The following TMEM232 variants were observed in gnomAD, a reference collection of about 807,000 sequenced individuals.
TMEM232 encodes the protein transmembrane protein 232.
Under a neutral mutation model 78.8 loss-of-function variants are expected in TMEM232, and 80 were observed. That is an observed-to-expected ratio of 1.01 (90% CI 0.85 to 1.22). The LOEUF is 1.22. Ranked by LOEUF, TMEM232 falls within the 50% of genes most tolerant of loss-of-function variation. The pLI is 0.00. For missense variants in TMEM232, 881 were observed against 742.2 expected (o/e 1.19, Z -2.17); for synonymous variants, 297 against 254.3 (o/e 1.17, Z -1.60).
At chr5:110,637,139 TTA>T (rs1785958628) in intron 5 of TMEM232, among the ~76,000 whole-genome samples, 1 of 150,284 alleles carries the variant, frequency 6.7e-6, no homozygotes, top group Admixed American at 6.7e-5. Context: ...TTATTTTTAC[TTA>T]TATATATTGT....
intron 11 of TMEM232, among the ~76,000 whole-genome samples, chr5:110,566,453 T>A (rs1186058785): frequency 6.6e-6 from 1 of 151,952 alleles, no homozygotes; most frequent in Admixed American, 6.6e-5. Context: ...TGCTTCCTCT[T>A]GAAGATTCTG....
At chr5:110,702,670 G>A (rs1385628147) in intron 1 of TMEM232, among the ~76,000 whole-genome samples, 1 of 151,982 alleles carries the variant, frequency 6.6e-6, no homozygotes, top group Non-Finnish European at 1.5e-5. Flanking sequence ...ATTTACAGGA[G>A]ACACTCCCGG....
chr5:110,530,873 A>AC (rs1771360304), intron 11 of TMEM232, among the ~76,000 whole-genome samples: 2 of 152,222 alleles, frequency 1.3e-5, no homozygotes, highest in Non-Finnish European at 2.9e-5. Context: ...TCAAAAAAGA[A>AC]ATAATAACTA....
At chr5:110,627,420 G>A (rs1033534463) in intron 6 of TMEM232, among the ~76,000 whole-genome samples, 1 of 152,044 alleles carries the variant, frequency 6.6e-6, no homozygotes, top group Admixed American at 6.6e-5. Context: ...GAACGGATGG[G>A]GAAGGGGGAG....
At chr5:110,570,233 T>C (rs1420580011) in intron 10 of TMEM232, among the ~76,000 whole-genome samples, 1 of 151,954 alleles carries the variant, frequency 6.6e-6, no homozygotes, top group Non-Finnish European at 1.5e-5. Context: ...AATTGAGACA[T>C]CACAATATTT....
Position 110,494,521 on chromosome 5 carries a change from C to T in TMEM232, c.1703+34067G>A, listed in dbSNP as rs1374973592. 2.0e-5 allele frequency among the ~76,000 whole-genome samples: 3 copies of T among 152,028 alleles called. No individual in the cohort carries two copies. In the East Asian group the frequency reaches 5.8e-4, roughly 29 times the overall value. On this transcript the variant is annotated intron_variant, in intron 12 of 13. Transcript: ENST00000455884. ...GAGAGTATAAATCAATACAACCATT[C>T]AGAGTGCAGGGAGGGAAATAGCATT...
At chr5:110,456,686 TG>T (rs1760944526) in intron 12 of TMEM232, among the ~76,000 whole-genome samples, 2 of 152,112 alleles carry the variant, frequency 1.3e-5, no homozygotes, top group Admixed American at 6.5e-5. Context: ...ATTAGATCAA[TG>T]GAACAGAAAA....
intron 12 of TMEM232, among the ~76,000 whole-genome samples, chr5:110,486,475 T>C (rs901656912): frequency 3.3e-5 from 5 of 152,298 alleles, no homozygotes; most frequent in Admixed American, 1.3e-4. Context: ...CCTCAATTCA[T>C]CTTGAGTTGA....
At chr5:110,397,223 T>C (rs534136857) in intron 3 of TMEM232, among the ~76,000 whole-genome samples, 35 of 152,280 alleles carry the variant, frequency 2.3e-4, no homozygotes, top group Middle Eastern at 3.4e-3. Flanking sequence ...ATTAAACTCT[T>C]AGTTCCTCAA....
chr5:110,423,792 T>C (rs1756939063), intron 13 of TMEM232, among the ~76,000 whole-genome samples: 1 of 151,564 alleles, frequency 6.6e-6, no homozygotes, highest in African/African-American at 2.4e-5. Flanking sequence ...TGTGTGTGTG[T>C]GTGTGTGTGT....
chr5:110,700,548 GA>G (rs1795306137), intron 1 of TMEM232, among the ~76,000 whole-genome samples: 1 of 152,036 alleles, frequency 6.6e-6, no homozygotes, highest in African/African-American at 2.4e-5. Context: ...GGGAACCTCA[GA>G]AACATCTAAA....
At chr5:110,543,462 T>A (rs1773412456) in intron 11 of TMEM232, among the ~76,000 whole-genome samples, 2 of 152,192 alleles carry the variant, frequency 1.3e-5, no homozygotes, top group Admixed American at 6.6e-5. Flanking sequence ...GAATATGGGC[T>A]GTGCACTATG....
At chr5:110,696,482 G>A (rs1794794038) in intron 1 of TMEM232, among the ~76,000 whole-genome samples, 2 of 152,104 alleles carry the variant, frequency 1.3e-5, no homozygotes, top group African/African-American at 4.8e-5. Context: ...GAAATAAAGG[G>A]CATTCAATTA....
At chr5:110,555,410 C>T (rs962024946) in intron 11 of TMEM232, among the ~76,000 whole-genome samples, 4 of 152,072 alleles carry the variant, frequency 2.6e-5, no homozygotes, top group Non-Finnish European at 5.9e-5. Context: ...TTGAGAATTG[C>T]TTTATGGCCA....
intron 12 of TMEM232, among the ~76,000 whole-genome samples, chr5:110,505,657 C>T (rs1022373609): frequency 8.6e-5 from 13 of 152,046 alleles, no homozygotes; most frequent in African/African-American, 1.2e-4. Context: ...CAGAAGTGCA[C>T]AACCACGCCC....
intron 10 of TMEM232, among the ~76,000 whole-genome samples, chr5:110,568,976 C>T (rs1322728090): frequency 6.6e-6 from 1 of 151,766 alleles, no homozygotes; most frequent in African/African-American, 2.4e-5. Context: ...CACAGGCCAC[C>T]ATGGTGAATT....
intron 10 of TMEM232, among the ~76,000 whole-genome samples, chr5:110,573,557 C>T (rs964426148): frequency 2.0e-5 from 3 of 152,068 alleles, no homozygotes; most frequent in African/African-American, 7.2e-5. Flanking sequence ...CAAACTGCTT[C>T]TCTTGGTATA....
At chr5:110,499,206 C>T (rs79016367) in intron 12 of TMEM232, among the ~76,000 whole-genome samples, 3,039 of 152,144 alleles carry the variant, frequency 0.02, 94 homozygotes, top group African/African-American at 0.069. Flanking sequence ...TTTATATAAG[C>T]TCAATCATAG....
At chr5:110,392,583 G>A (rs183722979) in intron 3 of TMEM232, among the ~76,000 whole-genome samples, 22 of 152,290 alleles carry the variant, frequency 1.4e-4, no homozygotes, top group Admixed American at 1.2e-3. Context: ...GCTGCAGATA[G>A]CTGCATTTTC....
Sources: allele counts gnomAD v4.1 joint callset (sites outside exome capture counted in the v4.1 genomes callset), GRCh38; gene constraint gnomAD v4.1.1; transcripts MANE v1.5; gene names NCBI Gene and HGNC (gene_info 2026-07-23, HGNC 2026-07-21).